The following ROBO2 variants were observed in gnomAD, a reference collection of about 807,000 sequenced individuals.
The protein encoded by ROBO2 is roundabout guidance receptor 2.
Under a neutral mutation model 160.8 loss-of-function variants are expected in ROBO2, and 53 were observed. The observed-to-expected ratio is 0.33, with a 90% CI of 0.26 to 0.41. The LOEUF (loss-of-function observed/expected upper bound fraction) is 0.41, where lower values mean the gene tolerates loss of function less well. Among genes scored for constraint, ROBO2 ranks in the 10% least tolerant of loss-of-function variants. The probability of loss-of-function intolerance (pLI) is 1.00; values close to 1 mark genes in which losing one functional copy is unlikely to be tolerated. For missense variants in ROBO2, 1,577 were observed against 1,722.4 expected (o/e 0.92, Z 1.49); for synonymous variants, 664 against 611.7 (o/e 1.09, Z -1.26).
chr3:77,131,547 G>A (rs147398320), intron 2 of ROBO2, among the ~76,000 whole-genome samples: 282 of 152,202 alleles, frequency 1.9e-3, no homozygotes, highest in African/African-American at 5.9e-3. Context: ...AAAAGAGATT[G>A]GAGATCCTTA....
At chr3:77,472,107 A>G (rs553733843) in intron 2 of ROBO2, among the ~76,000 whole-genome samples, 4 of 152,224 alleles carry the variant, frequency 2.6e-5, no homozygotes, top group African/African-American at 4.8e-5. Context: ...CTAAGCCACA[A>G]TGAGAGAGAG....
chr3:76,094,037 A>G (rs2069337072), intron 2 of ROBO2, among the ~76,000 whole-genome samples: 1 of 152,186 alleles, frequency 6.6e-6, no homozygotes, highest in Admixed American at 6.5e-5. Context: ...GCCAGATCAC[A>G]AAAAGAATTC....
rs529215390 is a variant in ROBO2 at position 76,841,734 on chromosome 3, G to A, written c.110-256280G>A. Among the ~76,000 whole-genome samples, 47 of 152,278 alleles carry A rather than the reference G, an allele frequency of 3.1e-4. No homozygotes were observed. The South Asian group carries it at 8.9e-3, about 29-fold the overall frequency. ...TGAGAAAAAAGAGGAAGATTTATTA[G>A]CCGCTTCTAAATCCTCAAGAAGGAA... On this transcript the variant is annotated intron_variant, in intron 2 of 26. Coordinates refer to the ROBO2 transcript ENST00000487694.
intron 2 of ROBO2, among the ~76,000 whole-genome samples, chr3:76,919,614 A>G (rs1487149683): frequency 6.6e-6 from 1 of 152,158 alleles, no homozygotes; most frequent in Non-Finnish European, 1.5e-5. Context: ...TACGCATCCT[A>G]TCATGTATTT....
intron 2 of ROBO2, among the ~76,000 whole-genome samples, chr3:76,918,208 C>G (rs1420785913): frequency 6.6e-6 from 1 of 152,132 alleles, no homozygotes; most frequent in African/African-American, 2.4e-5. Context: ...GACCACGTGC[C>G]GGTCATTGGA....
chr3:77,528,861 T>C (rs899059243), intron 6 of ROBO2, among the ~76,000 whole-genome samples: 4 of 151,692 alleles, frequency 2.6e-5, no homozygotes, highest in African/African-American at 9.7e-5. Flanking sequence ...TGTTTGAAAA[T>C]TGAAGAATAT....
At chr3:77,614,718 CA>C (rs1459643201) in intron 21 of ROBO2, among the ~76,000 whole-genome samples, 1 of 149,474 alleles carries the variant, frequency 6.7e-6, no homozygotes, top group Non-Finnish European at 1.5e-5. Flanking sequence ...ATTATTCCCC[CA>C]AAAAACCAAC....
chr3:77,582,321 G>A (rs1351395312), intron 16 of ROBO2, among the ~76,000 whole-genome samples: 4 of 152,068 alleles, frequency 2.6e-5, no homozygotes, highest in East Asian at 3.9e-4. Context: ...GGCTGCTCTC[G>A]AATTCCTGGC....
chr3:77,326,400 C>A (rs2065398622), intron 2 of ROBO2, among the ~76,000 whole-genome samples: 1 of 152,172 alleles, frequency 6.6e-6, no homozygotes, highest in Admixed American at 6.5e-5. Flanking sequence ...GATCAAATCA[C>A]TTATTTTTAA....
chr3:76,218,745 A>T (rs1293827563), intron 2 of ROBO2, among the ~76,000 whole-genome samples: 2 of 152,152 alleles, frequency 1.3e-5, no homozygotes, highest in Admixed American at 6.6e-5. Flanking sequence ...TGCCCAAGGT[A>T]ATTTATAGAT....
intron 2 of ROBO2, among the ~76,000 whole-genome samples, chr3:76,743,378 G>T (rs1439172033): frequency 1.3e-5 from 2 of 151,970 alleles, no homozygotes; most frequent in Non-Finnish European, 2.9e-5. Flanking sequence ...TTGGTGATGG[G>T]TTCACCAAAA....
intron 2 of ROBO2, among the ~76,000 whole-genome samples, chr3:76,552,060 C>T (rs554775192): frequency 6.6e-6 from 1 of 152,298 alleles, no homozygotes. Context: ...GGCACGGCAA[C>T]ACCCCACGGA....
intron 2 of ROBO2, among the ~76,000 whole-genome samples, chr3:76,917,225 G>A (rs1452542820): frequency 2.6e-5 from 4 of 152,112 alleles, no homozygotes; most frequent in African/African-American, 9.7e-5. Flanking sequence ...AAAGAAGAAA[G>A]TCTGGTAGTC....
At chr3:76,380,213 G>A (rs2076549387) in intron 2 of ROBO2, among the ~76,000 whole-genome samples, 1 of 151,954 alleles carries the variant, frequency 6.6e-6, no homozygotes, top group Admixed American at 6.6e-5. Context: ...TACATTTAAT[G>A]TATTTTAATA....
At chr3:76,977,829 T>A (rs1259148587) in intron 2 of ROBO2, among the ~76,000 whole-genome samples, 1 of 152,176 alleles carries the variant, frequency 6.6e-6, no homozygotes, top group Non-Finnish European at 1.5e-5. Context: ...AAAGATACTG[T>A]CTTGGTAAAG....
At chr3:77,357,873 T>C (rs917392056) in intron 2 of ROBO2, among the ~76,000 whole-genome samples, 4 of 152,176 alleles carry the variant, frequency 2.6e-5, no homozygotes, top group Non-Finnish European at 5.9e-5. Flanking sequence ...CCTTTCCCTA[T>C]GGAAATAAAA....
chr3:76,085,306 A>G (rs2068974500), intron 2 of ROBO2, among the ~76,000 whole-genome samples: 1 of 152,192 alleles, frequency 6.6e-6, no homozygotes, highest in Non-Finnish European at 1.5e-5. Context: ...GTTAAGTATT[A>G]TAGAAATGCT....
intron 2 of ROBO2, among the ~76,000 whole-genome samples, chr3:76,065,817 A>C (rs1025405347): frequency 1.3e-5 from 2 of 150,970 alleles, no homozygotes; most frequent in Admixed American, 6.6e-5. Context: ...TGATTCAGTG[A>C]AGTGGTTATT....
intron 2 of ROBO2, among the ~76,000 whole-genome samples, chr3:76,049,719 C>A (rs2067591601): frequency 6.6e-6 from 1 of 151,792 alleles, no homozygotes; most frequent in African/African-American, 2.4e-5. Flanking sequence ...AGTTATTGTC[C>A]AGTGTTCTGT....
Sources: allele counts gnomAD v4.1 joint callset (sites outside exome capture counted in the v4.1 genomes callset), GRCh38; gene constraint gnomAD v4.1.1; transcripts MANE v1.5; gene names NCBI Gene and HGNC (gene_info 2026-07-23, HGNC 2026-07-21).